The following IGSF3 variants were observed in gnomAD, a reference collection of about 807,000 sequenced individuals.
IGSF3 encodes the protein glu-Trp-Ile EWI motif-containing protein 3.
IGSF3 carries 23 observed loss-of-function variants against 114.4 expected under a neutral mutation model. That is an observed-to-expected ratio of 0.20 (90% CI 0.14 to 0.28). IGSF3 has a LOEUF of 0.28. IGSF3 is among the 10% of genes least tolerant of loss of function. IGSF3 has a pLI of 1.00. For missense variants in IGSF3, 1,172 were observed against 1,591.5 expected (o/e 0.74, Z 4.48); for synonymous variants, 571 against 645.2 (o/e 0.88, Z 1.74).
rs545060936 is a variant in IGSF3, at chr1:116,603,250, G to C, written c.1624+374C>G. 5.3e-4 allele frequency among the ~76,000 whole-genome samples: 80 copies of C among 152,274 alleles called. No homozygotes were observed. Among genetic ancestry groups the C allele is most frequent in the African/African-American group, 1.9e-3 (78 of 41,560 alleles). On this transcript the variant is annotated intron_variant, in intron 6 of 10. Transcript: ENST00000369486. This position sits in a 1 kb window ranked among gnomAD's most constrained non-coding sequence, Gnocchi z 7.1. Reference sequence around the variant, plus strand: ...GCTCAGCCACTCTGCTCTCTTTAAGGCCAGGCTGGCAGTGGCCATGCTCCT... The same window carrying C: ...GCTCAGCCACTCTGCTCTCTTTAAGCCCAGGCTGGCAGTGGCCATGCTCCT...
rs1397549286 is a variant in IGSF3, at chr1:116,614,415, G to A, written c.422-240C>T. Among the ~76,000 whole-genome samples, 1 of 152,134 alleles carries A rather than the reference G, an allele frequency of 6.6e-6. No individual in the cohort carries two copies. The highest frequency in any genetic ancestry group is 1.5e-5 in the Non-Finnish European group (1 of 68,022). ...CCTGTCTGGTATTTTAATAACACTT[G>A]GATAAAACATGGGGTGTATTTCATA... is the stretch of plus-strand genomic sequence containing the variant. On this transcript the variant is annotated intron_variant, in intron 3 of 10. Transcript: ENST00000369486. The surrounding 1 kb of genome is among the most constrained non-coding windows in gnomAD (Gnocchi z 4.5).
rs1648495918 is a variant in IGSF3, at chr1:116,648,467, C to A, written c.43+17817G>T. Among the ~76,000 whole-genome samples the A allele has an allele frequency of 1.3e-5, 2 of 152,136 alleles. No homozygotes were observed. The highest frequency in any genetic ancestry group is 4.8e-5 in the African/African-American group (2 of 41,424). On this transcript the variant is annotated intron_variant, in intron 2 of 10. Transcript: ENST00000369486. The surrounding 1 kb of genome is among the most constrained non-coding windows in gnomAD (Gnocchi z 4.7). ...TGCTTTGTTTAAAGCACAGTCAGAC[C>A]CGCCATCTGCACTTTTACCTGCTGC...
intron 2 of IGSF3, among the ~76,000 whole-genome samples, chr1:116,646,641 G>C (rs1314896745): frequency 6.6e-6 from 1 of 152,116 alleles, no homozygotes; most frequent in Non-Finnish European, 1.5e-5. Context: ...AGAGGAGGTA[G>C]AGAGAGCTAC....
At chr1:116,645,662 G>A (rs956373049) in intron 2 of IGSF3, among the ~76,000 whole-genome samples, 17 of 152,178 alleles carry the variant, frequency 1.1e-4, no homozygotes, top group South Asian at 8.3e-4. Flanking sequence ...AACACTCCCC[G>A]GGCAGGGGAA....
At position 116,589,234 on chromosome 1, in the gene IGSF3, G is replaced by A. The variant is rs191813243; in HGVS notation, c.2030-130C>T. On this transcript the variant is annotated intron_variant, in intron 7 of 10. Transcript: ENST00000369486. The surrounding 1 kb of genome is among the most constrained non-coding windows in gnomAD (Gnocchi z 5.7). ...ATTTAACACCGACTGGCTTCAGTGT[G>A]AGGAAGGCAGCACGGAGCCCAGGCC... is the stretch of plus-strand genomic sequence containing the variant. 516 of 708,440 alleles carry A rather than the reference G, an allele frequency of 7.3e-4. 2 individuals carry two copies. The African/African-American group carries it at 8.2e-3, about 11-fold the overall frequency. 43.9% of individuals were successfully genotyped at this position (708,440 alleles called of 1,614,324 possible).
Position 116,662,112 on chromosome 1 carries a change from C to G in IGSF3, c.43+4172G>C, listed in dbSNP as rs540658199. On this transcript the variant is annotated intron_variant, in intron 2 of 10. Coordinates refer to ENST00000369486, the MANE Select transcript of IGSF3 (RefSeq NM_001007237.3). This position sits in a 1 kb window ranked among gnomAD's most constrained non-coding sequence, Gnocchi z 4.3. ...TTTGAGACAGAGTTTTGCTCATTGC[C>G]CAGGCTGGAGTGCAACGGCGCGATC... Among the ~76,000 whole-genome samples the G allele has an allele frequency of 4.5e-4, 68 of 152,040 alleles. No homozygotes were observed. The highest frequency in any genetic ancestry group is 1.6e-3 in the African/African-American group (67 of 41,472).
chr1:116,602,025 T>C (rs982054412), intron 6 of IGSF3, among the ~76,000 whole-genome samples: 1 of 152,262 alleles, frequency 6.6e-6, no homozygotes, highest in Non-Finnish European at 1.5e-5. Context: ...CATCTAATTA[T>C]ACTGATATGA....
chr1:116,656,570 G>T (rs533631656), intron 2 of IGSF3, among the ~76,000 whole-genome samples: 1 of 151,830 alleles, frequency 6.6e-6, no homozygotes, highest in African/African-American at 2.4e-5. Flanking sequence ...GATTACAGGC[G>T]TGACTTTCTA....
Position 116,666,318 on chromosome 1 carries a change from G to C in IGSF3, c.9C>G (p.Cys3Trp), listed in dbSNP as rs1649331147. ...CCAGACAGCTCAGCACCGGGAAAAA[G>C]CACTTCATGTCGGCAGCCTCCAGGA... MKCFFPVLSCLAV... is the reference protein window; with the variant it reads MKWFFPVLSCLAV... The change falls in exon 2 of 11, where the codon TGC becomes TGG. Residue 3 changes from cysteine to tryptophan, a missense_variant. Cys to Trp is a radical substitution (Grantham distance 215, BLOSUM62 -2). Around this residue, in one of 3 missense-constraint regions of IGSF3, gnomAD observed 736 missense variants for 1,042.0 expected, o/e 0.71. Coordinates refer to ENST00000369486, the MANE Select transcript of IGSF3 (RefSeq NM_001007237.3). 6.2e-7 allele frequency: 1 copy of C among 1,614,060 alleles called. No homozygotes were observed. Among genetic ancestry groups the C allele is most frequent in the African/African-American group, 1.3e-5 (1 of 74,922 alleles).
rs755721743 is a variant in IGSF3, at chr1:116,600,364, G to A, written c.1625-19C>T. The A allele has an allele frequency of 2.5e-6, 4 of 1,594,392 alleles. No homozygotes were observed. The highest frequency in any genetic ancestry group is 1.1e-5 in the South Asian group (1 of 88,952). On this transcript the variant is annotated intron_variant, in intron 6 of 10. Coordinates refer to ENST00000369486, the MANE Select transcript of IGSF3 (RefSeq NM_001007237.3). The surrounding 1 kb of genome is among the most constrained non-coding windows in gnomAD (Gnocchi z 5.5). ...CCCATTTCTGGAGAGAAAGCAGAGAGATTCAACCAGAGGAGGCATGTGGCT... is the reference window on the plus strand; with the variant it reads ...CCCATTTCTGGAGAGAAAGCAGAGAAATTCAACCAGAGGAGGCATGTGGCT...
At chr1:116,631,056 C>G (rs1429916463) in intron 2 of IGSF3, among the ~76,000 whole-genome samples, 1 of 152,030 alleles carries the variant, frequency 6.6e-6, no homozygotes, top group African/African-American at 2.4e-5. Flanking sequence ...TGGTGGCTCA[C>G]GCCTGTAATC....
chr1:116,628,739 C>G lies in IGSF3; in HGVS notation c.44-12282G>C, dbSNP rs1647419408. Among the ~76,000 whole-genome samples the G allele has an allele frequency of 6.6e-6, 1 of 152,240 alleles. No individual in the cohort carries two copies. The highest frequency in any genetic ancestry group is 2.1e-4 in the South Asian group (1 of 4,832). On this transcript the variant is annotated intron_variant, in intron 2 of 10. Transcript: ENST00000369486. The surrounding 1 kb of genome is among the most constrained non-coding windows in gnomAD (Gnocchi z 4.2). Reference sequence around the variant, plus strand: ...AATAATGGATGGCCGCTCCTTCCCCCTCAGCTTTGACTTTCATTGCTGGTG... The same window carrying G: ...AATAATGGATGGCCGCTCCTTCCCCGTCAGCTTTGACTTTCATTGCTGGTG...
chr1:116,584,897 T>C lies in IGSF3; in HGVS notation c.2596A>G (p.Thr866Ala), dbSNP rs747859901. The C allele has an allele frequency of 6.2e-7, 1 of 1,614,172 alleles. No homozygotes were observed. Among genetic ancestry groups the C allele is most frequent in the South Asian group, 1.1e-5 (1 of 91,070 alleles). The part of the protein sequence containing the change: ...VWKPNHPERE[T>A]VARLSRDATF... ...GCGTCACGGCTCAAGCGGGCCACAG[T>C]CTCCCGCTCAGGGTGGTTGGGCTTC... Residue 866 changes from threonine to alanine, a missense_variant, in exon 9 of 11, where the codon ACT (threonine) becomes GCT (alanine). By Grantham distance (58) the Thr-to-Ala change is moderately conservative. This residue lies in a region of IGSF3 where 423 missense variants were observed against 509.8 expected (regional missense o/e 0.83). Coordinates refer to ENST00000369486, the MANE Select transcript of IGSF3 (RefSeq NM_001007237.3). The surrounding 1 kb of genome is among the most constrained non-coding windows in gnomAD (Gnocchi z 5.8).
chr1:116,590,327 C>T (rs368083683), intron 7 of IGSF3, among the ~76,000 whole-genome samples: 3 of 151,542 alleles, frequency 2.0e-5, no homozygotes, highest in African/African-American at 2.4e-5. Context: ...TCATTAACCT[C>T]GGCTCTGCAT....
In IGSF3 at chr1:116,625,794, T is replaced by C. The variant is rs1362477699; in HGVS notation, c.44-9337A>G. On this transcript the variant is annotated intron_variant, in intron 2 of 10. Coordinates refer to ENST00000369486, the MANE Select transcript of IGSF3 (RefSeq NM_001007237.3). This position sits in a 1 kb window ranked among gnomAD's most constrained non-coding sequence, Gnocchi z 4.7. ...ACCTAAAATAGAGCTGGTCTAAAGA[T>C]GATGATTAATGAATGTTAAATTATT... Among the ~76,000 whole-genome samples, 1 of 152,222 alleles carries C rather than the reference T, an allele frequency of 6.6e-6. No individual in the cohort carries two copies. The highest frequency in any genetic ancestry group is 1.5e-5 in the Non-Finnish European group (1 of 68,044).
chr1:116,575,362 G>C lies in IGSF3; in HGVS notation c.*1950C>G, dbSNP rs990588904. 6.6e-6 allele frequency: 1 copy of C among 152,648 alleles called. No homozygotes were observed. The highest frequency in any genetic ancestry group is 1.5e-5 in the Non-Finnish European group (1 of 68,068). 9.5% of individuals were successfully genotyped at this position (152,648 alleles called of 1,614,324 possible). A position where few individuals can be genotyped will look rare whatever the true frequency, so the allele number is the denominator to read the frequency against. ...CACACACTGTCTCACAGGAGGGTAC[G>C]GTATACTTGGGGGAGAAAAGGCAGG... On this transcript the variant is annotated 3_prime_UTR_variant, in exon 11 of 11. Coordinates refer to ENST00000369486, the MANE Select transcript of IGSF3 (RefSeq NM_001007237.3). The surrounding 1 kb of genome is among the most constrained non-coding windows in gnomAD (Gnocchi z 5.6).
chr1:116,579,728 T>C lies in IGSF3; in HGVS notation c.2998A>G (p.Lys1000Glu), dbSNP rs1057143365. ...TCTTCCAGGCCAGGGCTGCTCCTTT[T>C]CCCCCCAGCTTTAGTCCTCAGGGAA... is the stretch of plus-strand genomic sequence containing the variant. ...WYSLRTKAGGKRSSPGLEEQE... is the reference protein window; with the variant it reads ...WYSLRTKAGGERSSPGLEEQE... The change falls in exon 10 of 11, where the codon AAA (lysine) becomes GAA (glutamate). Residue 1000 changes from lysine to glutamate, a missense_variant. Physicochemically the swap from Lys to Glu is moderately conservative, Grantham distance 56. Transcript: ENST00000369486. This position sits in a 1 kb window ranked among gnomAD's most constrained non-coding sequence, Gnocchi z 6.4. The C allele has an allele frequency of 5.0e-6, 8 of 1,613,680 alleles. No homozygotes were observed. The highest frequency in any genetic ancestry group is 3.3e-5 in the Admixed American group (2 of 59,978).
In IGSF3 at chr1:116,595,461, A is replaced by G. The variant is rs1226503849; in HGVS notation, c.2029+4480T>C. On this transcript the variant is annotated intron_variant, in intron 7 of 10. Coordinates refer to ENST00000369486, the MANE Select transcript of IGSF3 (RefSeq NM_001007237.3). This position sits in a 1 kb window ranked among gnomAD's most constrained non-coding sequence, Gnocchi z 4.2. ...ATGTGAAAGGAGAGCCAGTGTTCACATGCTCTGGACTCATGGAAGTCAAAG... is the reference window on the plus strand; with the variant it reads ...ATGTGAAAGGAGAGCCAGTGTTCACGTGCTCTGGACTCATGGAAGTCAAAG... Among the ~76,000 whole-genome samples the G allele has an allele frequency of 6.6e-6, 1 of 152,188 alleles. No homozygotes were observed. The highest frequency in any genetic ancestry group is 1.5e-5 in the Non-Finnish European group (1 of 68,024).
rs1431415068 is a variant in IGSF3, at chr1:116,649,457, A to G, written c.43+16827T>C. The stretch of plus-strand genomic sequence containing the variant: ...CGCCTCATTACTTAGATCTTTCCTC[A>G]TTACCTCAAAGCCATAGTGGCAAAA... On this transcript the variant is annotated intron_variant, in intron 2 of 10. Transcript: ENST00000369486. This position sits in a 1 kb window ranked among gnomAD's most constrained non-coding sequence, Gnocchi z 4.5. Among the ~76,000 whole-genome samples, 1 of 152,180 alleles carries G rather than the reference A, an allele frequency of 6.6e-6. No individual in the cohort carries two copies. The highest frequency in any genetic ancestry group is 1.5e-5 in the Non-Finnish European group (1 of 68,034).
Sources: allele counts gnomAD v4.1 joint callset (sites outside exome capture counted in the v4.1 genomes callset), GRCh38; gene constraint gnomAD v4.1.1; regional missense constraint gnomAD v4.1.1; non-coding constraint Gnocchi (gnomAD v3.1); transcripts MANE v1.5; gene names NCBI Gene and HGNC (gene_info 2026-07-23, HGNC 2026-07-21).